MAPKAPK5: variants seen among roughly 807,000 people sequenced by gnomAD.
MAPKAPK5 encodes the protein MAPK activated protein kinase 5.
A neutral mutation model predicts 65.1 loss-of-function variants in MAPKAPK5; 30 were observed. That is an observed-to-expected ratio of 0.46 (90% CI 0.34 to 0.63). The LOEUF (loss-of-function observed/expected upper bound fraction) is 0.63. Ranked by LOEUF, MAPKAPK5 falls within the 20% of genes least tolerant of loss-of-function variation. MAPKAPK5 has a pLI of 0.01. For missense variants in MAPKAPK5, 433 were observed against 581.4 expected (o/e 0.74, Z 2.63); for synonymous variants, 179 against 204.6 (o/e 0.87, Z 1.07).
intron 1 of MAPKAPK5, among the ~76,000 whole-genome samples, chr12:111,861,974 T>G (rs548677849): frequency 1.2e-4 from 19 of 152,372 alleles, no homozygotes; most frequent in Non-Finnish European, 2.2e-4. Flanking sequence ...TTTAAGGTAG[T>G]GTGTATATTT....
intron 1 of MAPKAPK5, among the ~76,000 whole-genome samples, chr12:111,853,332 A>G (rs2069142373): frequency 6.6e-6 from 1 of 152,000 alleles, no homozygotes; most frequent in African/African-American, 2.4e-5. Context: ...AGATGGCGCC[A>G]CTGCACTCCA....
rs1566298294 is a variant in MAPKAPK5 at position 111,900,612 on chromosome 12, TG to T, written c.*7552del. On this transcript the variant is annotated 3_prime_UTR_variant, in exon 14 of 14. Transcript: ENST00000550735. ...GGTGGAGGACACGGAGCAGTGTGAC[TG>T]TGGTTCTCTATGTCAGCATCATGCA... The T allele has an allele frequency of 2.2e-6, 1 of 455,734 alleles. No homozygotes were observed. The highest frequency in any genetic ancestry group is 4.4e-6 in the Non-Finnish European group (1 of 226,796). 28.2% of individuals were successfully genotyped at this position (455,734 alleles called of 1,614,324 possible).
intron 3 of MAPKAPK5, among the ~76,000 whole-genome samples, chr12:111,866,848 C>T (rs1462797174): frequency 1.1e-4 from 17 of 152,114 alleles, no homozygotes; most frequent in Admixed American, 1.1e-3. Context: ...GTGATCCATC[C>T]GCCTCGGCCT....
intron 13 of MAPKAPK5, among the ~76,000 whole-genome samples, chr12:111,890,523 C>T (rs1280876224): frequency 6.6e-6 from 1 of 152,148 alleles, no homozygotes; most frequent in Non-Finnish European, 1.5e-5. Flanking sequence ...AAAGTGCCAG[C>T]GAGTCCACCC....
intron 6 of MAPKAPK5, 95 bp from the exon 7 acceptor site, chr12:111,870,990 T>G: frequency 1.2e-6 from 1 of 861,562 alleles, no homozygotes. Context: ...GAAAGAAACT[T>G]GTTAGATCTC....
intron 7 of MAPKAPK5, among the ~76,000 whole-genome samples, chr12:111,871,883 C>T (rs1475518441): frequency 6.6e-6 from 1 of 152,182 alleles, no homozygotes; most frequent in East Asian, 1.9e-4. Context: ...CACTGACATG[C>T]TTTCTGTCAT....
intron 1 of MAPKAPK5, among the ~76,000 whole-genome samples, chr12:111,846,494 CTTTTTCT>C (rs1333063077): frequency 2.7e-4 from 26 of 96,612 alleles, no homozygotes; most frequent in African/African-American, 2.7e-4. Context: ...TCATAAGTTT[CTTTTTCT>C]TTTTTTTTTT....
intron 1 of MAPKAPK5, among the ~76,000 whole-genome samples, chr12:111,864,998 T>C (rs1663057758): frequency 6.6e-6 from 1 of 152,234 alleles, no homozygotes. Flanking sequence ...AAATGTACCT[T>C]ATAGATGAGC....
chr12:111,901,704 A>C lies in MAPKAPK5; in HGVS notation c.*8643A>C, dbSNP rs918706689. 1 of 267,934 alleles carries C rather than the reference A, an allele frequency of 3.7e-6. No individual in the cohort carries two copies. The highest frequency in any genetic ancestry group is 7.3e-6 in the Non-Finnish European group (1 of 137,330). 16.6% of individuals were successfully genotyped at this position (267,934 alleles called of 1,614,324 possible). ...GAAGAGGAGGAAGAATCAGATTCCTAAGGTTAGAAATAGGGAGATGAAGCC... is the reference window on the plus strand; with the variant it reads ...GAAGAGGAGGAAGAATCAGATTCCTCAGGTTAGAAATAGGGAGATGAAGCC... On this transcript the variant is annotated 3_prime_UTR_variant, in exon 14 of 14. Transcript: ENST00000550735.
chr12:111,899,842 G>A lies in MAPKAPK5; in HGVS notation c.*6781G>A, dbSNP rs1475433335. The A allele has an allele frequency of 2.2e-6, 1 of 451,558 alleles. No individual in the cohort carries two copies. Among genetic ancestry groups the A allele is most frequent in the South Asian group, 1.6e-5 (1 of 64,462 alleles). 28.0% of individuals were successfully genotyped at this position (451,558 alleles called of 1,614,324 possible). ...ACTCTTCAAGACGGTTTGAACATGT[G>A]TTATACACCATGGCACATCAAGCGT... On this transcript the variant is annotated 3_prime_UTR_variant, in exon 14 of 14. Coordinates refer to ENST00000550735, the MANE Select transcript of MAPKAPK5 (RefSeq NM_003668.4).
At chr12:111,852,285 T>G (rs1046814081) in intron 1 of MAPKAPK5, among the ~76,000 whole-genome samples, 2 of 152,188 alleles carry the variant, frequency 1.3e-5, no homozygotes, top group Non-Finnish European at 2.9e-5. Flanking sequence ...TCTCCTGCCT[T>G]CCTTTCCATG....
In MAPKAPK5 at chr12:111,899,466, C is replaced by T. The variant is rs2070944694; in HGVS notation, c.*6405C>T. 6.1e-6 allele frequency: 1 copy of T among 163,930 alleles called. No homozygotes were observed. Among genetic ancestry groups the T allele is most frequent in the African/African-American group, 2.4e-5 (1 of 41,604 alleles). The allele number at this position is 163,930 out of a possible 1,614,324, so 10.2% of individuals were successfully genotyped here. On this transcript the variant is annotated 3_prime_UTR_variant, in exon 14 of 14. Transcript: ENST00000550735. Reference sequence around the variant, plus strand: ...GATTTTTGTGCCAAGCATGTACTGTCACCTGGGATCAATCTATTACTCTTT... The same window carrying T: ...GATTTTTGTGCCAAGCATGTACTGTTACCTGGGATCAATCTATTACTCTTT...
chr12:111,888,583 G>C lies in MAPKAPK5; in HGVS notation c.1065G>C (p.Val355=), dbSNP rs914903983. The C allele has an allele frequency of 6.2e-7, 1 of 1,613,962 alleles. No homozygotes were observed. Among genetic ancestry groups the C allele is most frequent in the African/African-American group, 1.3e-5 (1 of 75,046 alleles). The change falls in exon 11 of 14, where the codon GTG becomes GTC. Residue 355 remains valine (V), a synonymous_variant. Coordinates refer to ENST00000550735, the MANE Select transcript of MAPKAPK5 (RefSeq NM_003668.4). The stretch of plus-strand genomic sequence containing the variant: ...TCAGCCTCAAACCCCTGCACTCAGT[G>C]AACAACCCCATTCTGCGGAAGAGGA... ...LKVSLKPLHS[V]NNPILRKRKL...
chr12:111,880,188 G>A lies in MAPKAPK5; in HGVS notation c.580-259G>A, dbSNP rs186336120. On this transcript the variant is annotated intron_variant, in intron 7 of 13. Coordinates refer to ENST00000550735, the MANE Select transcript of MAPKAPK5 (RefSeq NM_003668.4). ...AAAAGTCAGTGATCTCAGATTCCTTGATGGGCAGGAAGAAGAGAGGAATCT... is the reference window on the plus strand; with the variant it reads ...AAAAGTCAGTGATCTCAGATTCCTTAATGGGCAGGAAGAAGAGAGGAATCT... 52 of 480,800 alleles carry A rather than the reference G, an allele frequency of 1.1e-4. No homozygotes were observed. The Admixed American group carries it at 1.6e-3, about 15-fold the overall frequency. The allele number at this position is 480,800 out of a possible 1,614,324, so 29.8% of individuals were successfully genotyped here.
At chr12:111,862,526 C>A (rs1396708311) in intron 1 of MAPKAPK5, among the ~76,000 whole-genome samples, 1 of 152,086 alleles carries the variant, frequency 6.6e-6, no homozygotes, top group African/African-American at 2.4e-5. Flanking sequence ...CACAGTGAAA[C>A]CCCATCTCTA....
At chr12:111,860,855 A>G (rs1185818272) in intron 1 of MAPKAPK5, among the ~76,000 whole-genome samples, 6 of 151,676 alleles carry the variant, frequency 4.0e-5, no homozygotes, top group Non-Finnish European at 7.4e-5. Context: ...AAGAATTTCT[A>G]TGCCTGTAAT....
At chr12:111,877,844 C>T (rs1201480621) in intron 7 of MAPKAPK5, among the ~76,000 whole-genome samples, 1 of 151,976 alleles carries the variant, frequency 6.6e-6, no homozygotes, top group East Asian at 1.9e-4. Context: ...CCACATCTGG[C>T]TAATTAAGAA....
chr12:111,876,346 T>C (rs1483977163), intron 7 of MAPKAPK5, among the ~76,000 whole-genome samples: 1 of 152,082 alleles, frequency 6.6e-6, no homozygotes, highest in African/African-American at 2.4e-5. Context: ...TGTGGTATTA[T>C]GCTTATATAA....
chr12:111,843,428 T>G, intron 1 of MAPKAPK5: 1 of 396,908 alleles, frequency 2.5e-6, no homozygotes, highest in Non-Finnish European at 4.4e-6. Flanking sequence ...CTAAAACCTG[T>G]TTTTAACTTT....
Sources: gnomAD v4.1 joint callset for allele counts (sites outside exome capture counted in the v4.1 genomes callset) on GRCh38, gnomAD v4.1.1 for gene constraint, MANE v1.5 for transcripts, NCBI Gene and HGNC (gene_info 2026-07-23, HGNC 2026-07-21) for gene names.